The following RIBC1 variants were observed in gnomAD, a reference collection of about 807,000 sequenced individuals.
RIBC1 encodes the protein RIB43A domain with coiled-coils 1.
In RIBC1, 12 loss-of-function variants were observed where a neutral mutation model predicts 33.7. The ratio of observed to expected loss-of-function variants is 0.36; its 90% confidence interval spans 0.23 to 0.58. The LOEUF (loss-of-function observed/expected upper bound fraction) is 0.58. RIBC1 is among the 20% of genes least tolerant of loss of function. RIBC1 has a pLI of 0.81. For synonymous variants in RIBC1, 89 were observed against 109.0 expected, an observed-to-expected ratio of 0.82 and a Z score of 1.14; for missense variants, 242 against 311.6, an observed-to-expected ratio of 0.78 and a Z score of 1.68.
In RIBC1 at chrX:53,430,456, G is replaced by C; in HGVS notation, c.724G>C (p.Ala242Pro). The C allele has an allele frequency of 1.7e-6, 2 of 1,211,285 alleles. No homozygotes were observed. Among genetic ancestry groups the C allele is most frequent in the African/African-American group, 3.5e-5 (2 of 57,749 alleles). ...ERQREQKANL[A>P]EIQHQSTSDL... ...TCAGCGTGAACAGAAGGCCAACCTTGCGGAGATCCAGCACCAGAGCACGAG... is the reference window on the plus strand; with the variant it reads ...TCAGCGTGAACAGAAGGCCAACCTTCCGGAGATCCAGCACCAGAGCACGAG... Residue 242 changes from alanine (A) to proline (P), a missense_variant, in exon 7 of 8, where the codon GCG (alanine) becomes CCG (proline). Ala to Pro is a conservative substitution (Grantham distance 27). Coordinates refer to ENST00000375327, the MANE Select transcript of RIBC1 (RefSeq NM_001031745.5).
chrX:53,423,179 C>T (rs1163949582), intron 1 of RIBC1, 135 bp from the exon 2 acceptor site: 2 of 135,541 alleles, frequency 1.5e-5, no homozygotes, highest in East Asian at 2.1e-4. Flanking sequence ...GGATTGGTGG[C>T]GGGACGGGTT....
intron 7 of RIBC1, 33 bp from the exon 8 acceptor site, chrX:53,430,874 A>T: frequency 8.3e-7 from 1 of 1,210,741 alleles, no homozygotes; most frequent in Non-Finnish European, 1.1e-6. Context: ...GAGGGAAAGC[A>T]TGTCAGCTGA....
intron 5 of RIBC1, chrX:53,429,258 A>T (rs1747010072): frequency 8.6e-6 from 1 of 115,740 alleles, no homozygotes; most frequent in African/African-American, 3.2e-5. Context: ...GACAGGTCTT[A>T]GGAACAGCAA....
chrX:53,428,949 G>A, intron 5 of RIBC1: 2 of 502,050 alleles, frequency 4.0e-6, no homozygotes, highest in Non-Finnish European at 2.8e-6. Flanking sequence ...TCTTTAAAAT[G>A]AGAATAATAA....
chrX:53,429,215 C>T, intron 5 of RIBC1: 1 of 117,091 alleles, frequency 8.5e-6, no homozygotes, highest in Non-Finnish European at 1.8e-5. Context: ...TCTTTCATGT[C>T]TACCCATCTC....
chrX:53,423,939 T>G (rs1556892721), intron 2 of RIBC1, among the ~76,000 whole-genome samples: 2 of 110,776 alleles, frequency 1.8e-5, no homozygotes, highest in Non-Finnish European at 3.8e-5. Context: ...ATTAGCTGGG[T>G]GTGGCAGCTC....
At chrX:53,426,189 ATAT>A (rs1353873342) in intron 2 of RIBC1, 85 bp from the exon 3 acceptor site, 13 of 579,905 alleles carry the variant, frequency 2.2e-5, no homozygotes, top group Non-Finnish European at 3.8e-5. Context: ...AACTGCTGAA[ATAT>A]TATAGGGAGA....
chrX:53,429,101 C>T, intron 5 of RIBC1: 1 of 128,232 alleles, frequency 7.8e-6, no homozygotes, highest in Non-Finnish European at 1.6e-5. Flanking sequence ...TGTTACAGCA[C>T]TCTGTTCTGC....
chrX:53,425,515 T>TAAAAAAAAA (rs782760749), intron 2 of RIBC1, among the ~76,000 whole-genome samples: 3 of 25,872 alleles, frequency 1.2e-4, no homozygotes, highest in African/African-American at 3.2e-4. Context: ...GTAATAAAAG[T>TAAAAAAAAA]AAAAAAAAAA....
At chrX:53,430,308 G>A in intron 6 of RIBC1, 88 bp from the exon 7 acceptor site, 1 of 739,567 alleles carries the variant, frequency 1.4e-6, no homozygotes, top group Non-Finnish European at 2.0e-6. Context: ...TCCTTGAGAT[G>A]GAAGAGTAGG....
chrX:53,430,872 G>A (rs782190452), intron 7 of RIBC1, 35 bp from the exon 8 acceptor site: 2 of 1,210,550 alleles, frequency 1.7e-6, no homozygotes, highest in Non-Finnish European at 2.2e-6. Flanking sequence ...GAGAGGGAAA[G>A]CATGTCAGCT....
Position 53,428,008 on chromosome X carries a change from T to A in RIBC1, c.123T>A (p.Asp41Glu), listed in dbSNP as rs782777730. 7.4e-6 allele frequency: 9 copies of A among 1,210,976 alleles called. No homozygotes were observed. The South Asian group carries it at 1.6e-4, about 21-fold the overall frequency. The change falls in exon 4 of 8, where the codon GAT (aspartate) becomes GAA (glutamate). Residue 41 changes from aspartate (D) to glutamate (E), a missense_variant. Physicochemically the swap from Asp to Glu is conservative, Grantham distance 45. Coordinates refer to ENST00000375327, the MANE Select transcript of RIBC1 (RefSeq NM_001031745.5). ...FNVRNRVMGV[D>E]VQALNNQVGD... ...GCTCCTTTCTTTGGGATCAGGTGGA[T>A]GTCCAGGCCCTGAACAACCAGGTGG...
rs782762697 is a variant in RIBC1, at chrX:53,430,898, C to A, written c.1059-9C>A. The A allele has an allele frequency of 8.3e-7, 1 of 1,211,217 alleles. No homozygotes were observed. The highest frequency in any genetic ancestry group is 1.8e-5 in the South Asian group (1 of 56,941). The stretch of plus-strand genomic sequence containing the variant: ...CATGTCAGCTGAGACCTCTGGACTT[C>A]TTTCACAGGCAGGATTACCTGAATT... On this transcript the variant is annotated splice_polypyrimidine_tract_variant and intron_variant, in intron 7 of 7. Transcript: ENST00000375327.
Position 53,430,474 on chromosome X carries a change from A to C in RIBC1, c.742A>C (p.Ser248Arg). 8.3e-7 allele frequency: 1 copy of C among 1,211,001 alleles called. No individual in the cohort carries two copies. Among genetic ancestry groups the C allele is most frequent in the Non-Finnish European group, 1.1e-6 (1 of 894,875 alleles). Residue 248 changes from serine (S) to arginine (R), a missense_variant, in exon 7 of 8, where the codon AGC becomes CGC. Ser to Arg is a moderately radical substitution (Grantham distance 110). Transcript: ENST00000375327. ...KANLAEIQHQ[S>R]TSDLLTENPQ... ...CAACCTTGCGGAGATCCAGCACCAGAGCACGAGTGACCTACTGACTGAAAA... is the reference window on the plus strand; with the variant it reads ...CAACCTTGCGGAGATCCAGCACCAGCGCACGAGTGACCTACTGACTGAAAA...
Position 53,426,376 on chromosome X carries a change from C to T in RIBC1, c.100C>T (p.Arg34Trp), listed in dbSNP as rs1556893207. ...KERQNRFFNV[R>W]NRVMGVDVQA... ...GCGACAAAACCGATTCTTCAATGTG[C>T]GGAACCGAGTCATGGGGGTGAGTGG... is the stretch of plus-strand genomic sequence containing the variant. The change falls in exon 3 of 8, where the codon CGG becomes TGG. Residue 34 changes from arginine (R) to tryptophan (W), a missense_variant. Arg to Trp is a moderately radical substitution (Grantham distance 101). Coordinates refer to ENST00000375327, the MANE Select transcript of RIBC1 (RefSeq NM_001031745.5). 2 of 1,192,489 alleles carry T rather than the reference C, an allele frequency of 1.7e-6. No homozygotes were observed. Among genetic ancestry groups the T allele is most frequent in the South Asian group, 3.6e-5 (2 of 55,269 alleles).
chrX:53,426,502 G>A (rs2075792778), intron 3 of RIBC1, 109 bp downstream of exon 3: 1 of 544,320 alleles, frequency 1.8e-6, no homozygotes, highest in Middle Eastern at 5.0e-4. Flanking sequence ...ATTCAAGTAG[G>A]CCCCTAGGGC....
intron 3 of RIBC1, 88 bp downstream of exon 3, chrX:53,426,481 C>A: frequency 1.6e-6 from 1 of 625,249 alleles, no homozygotes. Flanking sequence ...CCCATGATAG[C>A]CCTTCCCCTG....
At chrX:53,427,379 G>C (rs2075797856) in intron 3 of RIBC1, among the ~76,000 whole-genome samples, 1 of 112,175 alleles carries the variant, frequency 8.9e-6, no homozygotes, top group African/African-American at 3.2e-5. Flanking sequence ...CCAGTGCATA[G>C]TGCCTGCCGT....
At chrX:53,426,801 C>T (rs1404775052) in intron 3 of RIBC1, among the ~76,000 whole-genome samples, 2 of 112,059 alleles carry the variant, frequency 1.8e-5, no homozygotes, top group African/African-American at 6.5e-5. Context: ...GCCTGGCCAA[C>T]GTGGTGAAAC....
Sources: gnomAD v4.1 joint callset for allele counts (sites outside exome capture counted in the v4.1 genomes callset) on GRCh38, gnomAD v4.1.1 for gene constraint, MANE v1.5 for transcripts, NCBI Gene and HGNC (gene_info 2026-07-23, HGNC 2026-07-21) for gene names.